The following CTDNEP1 variants were observed in gnomAD, a reference collection of about 807,000 sequenced individuals.
CTDNEP1 encodes CTD nuclear envelope phosphatase 1, also known as C-terminal domain nuclear envelope phosphatase 1.
Under a neutral mutation model 30.1 loss-of-function variants are expected in CTDNEP1, and 3 were observed. The observed-to-expected ratio is 0.10, with a 90% CI of 0.05 to 0.26. The LOEUF (loss-of-function observed/expected upper bound fraction) is 0.26, where lower values mean the gene tolerates loss of function less well. CTDNEP1 is among the 10% of genes least tolerant of loss of function. CTDNEP1 has a pLI of 1.00. For synonymous variants in CTDNEP1, 123 were observed against 118.8 expected (o/e 1.04, Z -0.23); for missense variants, 158 against 310.4 (o/e 0.51, Z 3.69).
In CTDNEP1 at chr17:7,251,530, G is replaced by A; in HGVS notation, c.-234C>T. 2 of 364,694 alleles carry A rather than the reference G, an allele frequency of 5.5e-6. No homozygotes were observed. Among genetic ancestry groups the A allele is most frequent in the Admixed American group, 9.7e-5 (2 of 20,720 alleles). The allele number at this position is 364,694 out of a possible 1,614,324, so 22.6% of individuals were successfully genotyped here. On this transcript the variant is annotated 5_prime_UTR_variant, in exon 1 of 8. Coordinates refer to ENST00000574322, the MANE Select transcript of CTDNEP1 (RefSeq NM_001143775.2). Reference sequence around the variant, plus strand: ...CAGCCCGCGGGGGCCCACATGGGCTGGGAGTGGCACCGACGGCTTCGGGGA... The same window carrying A: ...CAGCCCGCGGGGGCCCACATGGGCTAGGAGTGGCACCGACGGCTTCGGGGA...
At chr17:7,250,943 T>A (rs1314528680) in intron 1 of CTDNEP1, among the ~76,000 whole-genome samples, 1 of 152,098 alleles carries the variant, frequency 6.6e-6, no homozygotes, top group Non-Finnish European at 1.5e-5. Flanking sequence ...CCCACCACCT[T>A]AGCCCCCAAG....
At chr17:7,247,435 G>A in intron 1 of CTDNEP1, 92 bp from the exon 2 acceptor site, 1 of 943,286 alleles carries the variant, frequency 1.1e-6, no homozygotes, top group Non-Finnish European at 1.7e-6. Context: ...ATTTACCACA[G>A]GTACTATGTA....
In CTDNEP1 at chr17:7,246,165, C is replaced by T; in HGVS notation, c.478-28G>A. ...GGAAGGCAGGGGATCATGTAGCAGGCCTCTCTCCAGGATACTCTCCTCAAA... is the reference window on the plus strand; with the variant it reads ...GGAAGGCAGGGGATCATGTAGCAGGTCTCTCTCCAGGATACTCTCCTCAAA... On this transcript the variant is annotated intron_variant, in intron 5 of 7. Coordinates refer to ENST00000574322, the MANE Select transcript of CTDNEP1 (RefSeq NM_001143775.2). The surrounding 1 kb of genome is among the most constrained non-coding windows in gnomAD (Gnocchi z 4.9). The T allele has an allele frequency of 6.3e-7, 1 of 1,595,166 alleles. No individual in the cohort carries two copies. Among genetic ancestry groups the T allele is most frequent in the Non-Finnish European group, 8.6e-7 (1 of 1,162,790 alleles).
At chr17:7,245,396 C>T (rs1363029025) in intron 6 of CTDNEP1, among the ~76,000 whole-genome samples, 1 of 151,670 alleles carries the variant, frequency 6.6e-6, no homozygotes, top group Non-Finnish European at 1.5e-5. Flanking sequence ...CCTGGGAGAT[C>T]GAGGCTGCAG....
intron 1 of CTDNEP1, among the ~76,000 whole-genome samples, chr17:7,248,259 CAAAAAAAAAA>C (rs755835552): frequency 7.1e-4 from 11 of 15,406 alleles, no homozygotes; most frequent in East Asian, 8.8e-3. Flanking sequence ...GACTCCGTCG[CAAAAAAAAAA>C]AAAAAAAAAA....
At chr17:7,247,205 A>G (rs1322772170) in intron 2 of CTDNEP1, 23 bp from the exon 3 acceptor site, 2 of 1,610,850 alleles carry the variant, frequency 1.2e-6, no homozygotes, top group South Asian at 1.1e-5. Context: ...GGGGAGGAAT[A>G]ATATTGACCG....
In CTDNEP1 at chr17:7,244,044, T is replaced by C; in HGVS notation, c.*141A>G. ...GTCCATCCAGACTCCAAGTGGAGTG[T>C]AGGGCTCCCAGGGCAGAGAGGGGTG... On this transcript the variant is annotated 3_prime_UTR_variant, in exon 8 of 8. Transcript: ENST00000574322. 6.8e-7 allele frequency: 1 copy of C among 1,463,468 alleles called. No homozygotes were observed. Among genetic ancestry groups the C allele is most frequent in the Non-Finnish European group, 9.1e-7 (1 of 1,103,940 alleles). 90.7% of individuals were successfully genotyped at this position (1,463,468 alleles called of 1,614,324 possible). A position where few individuals can be genotyped will look rare whatever the true frequency, so the allele number is the denominator to read the frequency against.
chr17:7,250,717 A>C (rs1327001664), intron 1 of CTDNEP1, among the ~76,000 whole-genome samples: 1 of 152,144 alleles, frequency 6.6e-6, no homozygotes, highest in Non-Finnish European at 1.5e-5. Flanking sequence ...GGGCTTTCCC[A>C]AGTTCCCGTC....
rs2071834360 is a variant in CTDNEP1, at chr17:7,246,173, C to T, written c.478-36G>A. ...GGGGATCATGTAGCAGGCCTCTCTC[C>T]AGGATACTCTCCTCAAACCCAGATC... On this transcript the variant is annotated intron_variant, in intron 5 of 7. Coordinates refer to ENST00000574322, the MANE Select transcript of CTDNEP1 (RefSeq NM_001143775.2). This position sits in a 1 kb window ranked among gnomAD's most constrained non-coding sequence, Gnocchi z 4.9. 10 of 1,591,388 alleles carry T rather than the reference C, an allele frequency of 6.3e-6. No homozygotes were observed. The highest frequency in any genetic ancestry group is 8.6e-6 in the Non-Finnish European group (10 of 1,159,490).
At position 7,244,113 on chromosome 17, in the gene CTDNEP1, C is replaced by T; in HGVS notation, c.*72G>A. 2 of 1,601,410 alleles carry T rather than the reference C, an allele frequency of 1.2e-6. No individual in the cohort carries two copies. The highest frequency in any genetic ancestry group is 1.1e-5 in the South Asian group (1 of 89,868). On this transcript the variant is annotated 3_prime_UTR_variant, in exon 8 of 8. Transcript: ENST00000574322. Reference sequence around the variant, plus strand: ...CAGGCAGTCCTCACATTGGACAGGGCATCAGACGGCATCCCAAGGGCTCGC... The same window carrying T: ...CAGGCAGTCCTCACATTGGACAGGGTATCAGACGGCATCCCAAGGGCTCGC...
chr17:7,249,298 A>G (rs548258348), intron 1 of CTDNEP1, among the ~76,000 whole-genome samples: 1 of 152,080 alleles, frequency 6.6e-6, no homozygotes, highest in African/African-American at 2.4e-5. Flanking sequence ...CTAAACCCAC[A>G]GGGCTCTCTC....
At chr17:7,248,459 A>G (rs2142998862) in intron 1 of CTDNEP1, among the ~76,000 whole-genome samples, 1 of 148,628 alleles carries the variant, frequency 6.7e-6, no homozygotes, top group South Asian at 2.1e-4. Context: ...TCCCAGGTTC[A>G]AGCAATTCTC....
rs1283066264 is a variant in CTDNEP1, at chr17:7,246,800, G to A, written c.351C>T (p.Phe117=). The A allele has an allele frequency of 6.2e-7, 1 of 1,613,688 alleles. No individual in the cohort carries two copies. Among genetic ancestry groups the A allele is most frequent in the South Asian group, 1.1e-5 (1 of 91,074 alleles). ...GCTCTCCAAAACTCACCACTTCCAG[G>A]AAGAAATCCACATGGGGCCTCTTAT... ...FVHKRPHVDF[F]LEVVSQWYEL... The change falls in exon 4 of 8, where the codon TTC becomes TTT. Residue 117 remains phenylalanine (F), a synonymous_variant. Coordinates refer to ENST00000574322, the MANE Select transcript of CTDNEP1 (RefSeq NM_001143775.2). The surrounding 1 kb of genome is among the most constrained non-coding windows in gnomAD (Gnocchi z 4.9).
intron 1 of CTDNEP1, among the ~76,000 whole-genome samples, chr17:7,250,157 G>A (rs548202816): frequency 2.8e-4 from 42 of 152,146 alleles, no homozygotes; most frequent in African/African-American, 9.4e-4. Context: ...AGGGCTTTCT[G>A]GAAATTCTCT....
chr17:7,251,196 G>A lies in CTDNEP1; in HGVS notation c.101C>T (p.Thr34Met), dbSNP rs1368829945. The A allele has an allele frequency of 1.9e-6, 3 of 1,595,960 alleles. No individual in the cohort carries two copies. Among genetic ancestry groups the A allele is most frequent in the Non-Finnish European group, 2.6e-6 (3 of 1,171,926 alleles). ...CCGCCAGCGCCCACCCTGGCTCACC[G>A]TGCGGATCTGCCTCCGCAGAAGGTA... Reference protein sequence around the residue: ...FIYLLRRQIRTVIQYQTVRYD... With the variant: ...FIYLLRRQIRMVIQYQTVRYD... The change falls in exon 1 of 8, where the codon ACG (threonine) becomes ATG (methionine). Residue 34 changes from threonine (T) to methionine (M), a missense_variant and splice_region_variant. Transcript: ENST00000574322.
In CTDNEP1 at chr17:7,243,634, GAA is replaced by G. The variant is rs1189989394; in HGVS notation, c.*549_*550del. ...ATGCATGGTTTAAAAGAGAGAAAAG[GAA>G]AAAAGACACAAAGCTGGTTACAGGT... On this transcript the variant is annotated 3_prime_UTR_variant, in exon 8 of 8. Coordinates refer to ENST00000574322, the MANE Select transcript of CTDNEP1 (RefSeq NM_001143775.2). 1 of 153,632 alleles carries G rather than the reference GAA, an allele frequency of 6.5e-6. No individual in the cohort carries two copies. The highest frequency in any genetic ancestry group is 1.5e-5 in the Non-Finnish European group (1 of 68,902). The allele number at this position is 153,632 out of a possible 1,614,324, so 9.5% of individuals were successfully genotyped here.
At chr17:7,250,389 A>G (rs983615353) in intron 1 of CTDNEP1, among the ~76,000 whole-genome samples, 3 of 152,150 alleles carry the variant, frequency 2.0e-5, no homozygotes, top group Non-Finnish European at 4.4e-5. Context: ...AAGCTAAGGG[A>G]GAGGGGACCC....
chr17:7,246,448 C>A lies in CTDNEP1; in HGVS notation c.361-78G>T. On this transcript the variant is annotated intron_variant, in intron 4 of 7. Transcript: ENST00000574322. The surrounding 1 kb of genome is among the most constrained non-coding windows in gnomAD (Gnocchi z 4.9). ...GACATACAGTTATCTTTCAGAAAGGCAATGGCATAGTCCTTCAGGCCTTCC... is the reference window on the plus strand; with the variant it reads ...GACATACAGTTATCTTTCAGAAAGGAAATGGCATAGTCCTTCAGGCCTTCC... 9.3e-7 allele frequency: 1 copy of A among 1,069,574 alleles called. No individual in the cohort carries two copies. Among genetic ancestry groups the A allele is most frequent in the Non-Finnish European group, 1.4e-6 (1 of 696,248 alleles). 66.3% of individuals were successfully genotyped at this position (1,069,574 alleles called of 1,614,324 possible). A position where few individuals can be genotyped will look rare whatever the true frequency, so the allele number is the denominator to read the frequency against.
chr17:7,247,362 A>G lies in CTDNEP1; in HGVS notation c.103-19T>C. ...GAATTACCTACAAATAGCACAAAAG[A>G]GGATTGAAACCCTTGATAAGGAAGC... On this transcript the variant is annotated intron_variant, in intron 1 of 7. Transcript: ENST00000574322. 6.2e-7 allele frequency: 1 copy of G among 1,608,194 alleles called. No homozygotes were observed. Among genetic ancestry groups the G allele is most frequent in the Non-Finnish European group, 8.5e-7 (1 of 1,175,004 alleles).
Sources: gnomAD v4.1 joint callset for allele counts (sites outside exome capture counted in the v4.1 genomes callset) on GRCh38, gnomAD v4.1.1 for gene constraint, Gnocchi (gnomAD v3.1) non-coding constraint, MANE v1.5 for transcripts, NCBI Gene and HGNC (gene_info 2026-07-23, HGNC 2026-07-21) for gene names.